The following CYP2J2 variants were observed in gnomAD, a reference collection of about 807,000 sequenced individuals.
CYP2J2 encodes cytochrome P450 2J2.
CYP2J2 carries 41 observed loss-of-function variants against 48.8 expected under a neutral mutation model. That is an observed-to-expected ratio of 0.84 (90% CI 0.66 to 1.09). The LOEUF (loss-of-function observed/expected upper bound fraction) is 1.09. Among genes scored for constraint, CYP2J2 ranks in the 50% least tolerant of loss-of-function variants. CYP2J2 has a pLI of 0.00. For synonymous variants in CYP2J2, 221 were observed against 227.1 expected, an observed-to-expected ratio of 0.97 and a Z score of 0.24; for missense variants, 644 against 617.3, an observed-to-expected ratio of 1.04 and a Z score of -0.46.
intron 8 of CYP2J2, among the ~76,000 whole-genome samples, chr1:59,897,139 T>C (rs1276330869): frequency 2.0e-5 from 3 of 152,250 alleles, no homozygotes; most frequent in Non-Finnish European, 4.4e-5. Flanking sequence ...GTCTAATTCA[T>C]CTCGGTTCCC....
At chr1:59,904,682 C>T (rs1258342942) in intron 7 of CYP2J2, among the ~76,000 whole-genome samples, 189 bp downstream of exon 7, 4 of 152,144 alleles carry the variant, frequency 2.6e-5, no homozygotes, top group Non-Finnish European at 5.9e-5. Flanking sequence ...AGGAATCCTT[C>T]CTGCTCCCCT....
chr1:59,967,583 C>T, the CYP2J2 span, among the ~76,000 whole-genome samples: 9 of 152,220 alleles, frequency 5.9e-5, no homozygotes, highest in East Asian at 1.9e-4. Flanking sequence ...TTGTGTGTGT[C>T]GTCTTTCTGA....
At chr1:59,935,457 GC>G in the CYP2J2 span, among the ~76,000 whole-genome samples, 1 of 152,084 alleles carries the variant, frequency 6.6e-6, no homozygotes, top group East Asian at 1.9e-4. Context: ...ATGATAAGCA[GC>G]TTGATATCAG....
the CYP2J2 span, among the ~76,000 whole-genome samples, chr1:59,940,854 A>C: frequency 8.5e-5 from 13 of 152,332 alleles, no homozygotes; most frequent in South Asian, 2.5e-3. Context: ...TGGAACTGGA[A>C]GTTATTATAT....
At chr1:59,941,363 G>A in the CYP2J2 span, among the ~76,000 whole-genome samples, 23 of 152,134 alleles carry the variant, frequency 1.5e-4, no homozygotes, top group African/African-American at 5.3e-4. Flanking sequence ...TCACATATTT[G>A]TGATAATGCT....
intron 1 of CYP2J2, among the ~76,000 whole-genome samples, chr1:59,923,033 A>C (rs1644531690): frequency 6.6e-6 from 1 of 152,318 alleles, no homozygotes; most frequent in African/African-American, 2.4e-5. Flanking sequence ...GTCAGAGGGC[A>C]AATTAGGCTT....
chr1:59,958,961 T>C, the CYP2J2 span, among the ~76,000 whole-genome samples: 1 of 152,202 alleles, frequency 6.6e-6, no homozygotes, highest in Non-Finnish European at 1.5e-5. Flanking sequence ...ACTTACCTTA[T>C]CTGCCCACTT....
In CYP2J2 at chr1:59,909,861, T is replaced by C; in HGVS notation, c.784A>G (p.Ile262Val). 3 of 1,612,448 alleles carry C rather than the reference T, an allele frequency of 1.9e-6. No homozygotes were observed. The highest frequency in any genetic ancestry group is 2.5e-6 in the Non-Finnish European group (3 of 1,179,118). Residue 262 changes from isoleucine to valine, a missense_variant, in exon 5 of 9, where the codon ATT becomes GTT. Physicochemically the swap from Ile to Val is conservative, Grantham distance 29. Coordinates refer to ENST00000371204, the MANE Select transcript of CYP2J2 (RefSeq NM_000775.4). ...TTCCAATCCTTTCTGTGTTTGTCAATCATATGAGAAACAAACAATTTCAGT... is the reference window on the plus strand; with the variant it reads ...TTCCAATCCTTTCTGTGTTTGTCAACCATATGAGAAACAAACAATTTCAGT... ...KKLKLFVSHM[I>V]DKHRKDWNPA... is the part of the protein sequence containing the mutation.
chr1:59,958,602 C>A, the CYP2J2 span, among the ~76,000 whole-genome samples: 5 of 152,176 alleles, frequency 3.3e-5, no homozygotes, highest in African/African-American at 1.2e-4. Context: ...TAGTCACCAT[C>A]GAGCTAGCTG....
intron 8 of CYP2J2, among the ~76,000 whole-genome samples, chr1:59,895,208 C>T (rs766578419): frequency 6.6e-6 from 1 of 152,226 alleles, no homozygotes; most frequent in African/African-American, 2.4e-5. Flanking sequence ...TCCAGTACAG[C>T]CAGTACATGA....
chr1:59,966,466 C>T, the CYP2J2 span, among the ~76,000 whole-genome samples: 7 of 152,144 alleles, frequency 4.6e-5, no homozygotes, highest in Non-Finnish European at 7.3e-5. Flanking sequence ...CTGAAAGTCA[C>T]GTAGATTACA....
At position 59,893,444 on chromosome 1, in the gene CYP2J2, T is replaced by C. The variant is rs1259359573; in HGVS notation, c.*207A>G. The stretch of plus-strand genomic sequence containing the variant: ...TCATCTCCTAGATAAAAAGGTAAAT[T>C]ATTTAGCATATAAATGATTTTCCCA... On this transcript the variant is annotated 3_prime_UTR_variant, in exon 9 of 9. Coordinates refer to ENST00000371204, the MANE Select transcript of CYP2J2 (RefSeq NM_000775.4). 4.3e-6 allele frequency: 2 copies of C among 468,834 alleles called. No individual in the cohort carries two copies. Among genetic ancestry groups the C allele is most frequent in the Non-Finnish European group, 7.6e-6 (2 of 264,838 alleles). The allele number at this position is 468,834 out of a possible 1,614,324, so 29.0% of individuals were successfully genotyped here. A position where few individuals can be genotyped will look rare whatever the true frequency, so the allele number is the denominator to read the frequency against.
the CYP2J2 span, among the ~76,000 whole-genome samples, chr1:59,953,269 T>C: frequency 1.3e-5 from 2 of 152,152 alleles, no homozygotes; most frequent in African/African-American, 2.4e-5. Context: ...TAATTATTAG[T>C]GTGGGAAGCA....
chr1:59,913,603 T>A (rs930490533), intron 2 of CYP2J2, among the ~76,000 whole-genome samples: 3 of 152,132 alleles, frequency 2.0e-5, no homozygotes, highest in Non-Finnish European at 4.4e-5. Flanking sequence ...TGCACCTACA[T>A]CATCATGTCT....
At chr1:59,905,445 C>T (rs1165129315) in intron 6 of CYP2J2, among the ~76,000 whole-genome samples, 1 of 152,160 alleles carries the variant, frequency 6.6e-6, no homozygotes, top group Admixed American at 6.5e-5. Context: ...TTCCTGAAGG[C>T]TAATTACCTC....
At chr1:59,923,473 C>G (rs1644535814) in intron 1 of CYP2J2, among the ~76,000 whole-genome samples, 2 of 152,124 alleles carry the variant, frequency 1.3e-5, no homozygotes. Context: ...TTGACACCAA[C>G]AGTGAGATGA....
At chr1:59,937,069 T>C in the CYP2J2 span, among the ~76,000 whole-genome samples, 19,057 of 152,178 alleles carry the variant, frequency 0.13, 1,631 homozygotes, top group African/African-American at 0.25. Flanking sequence ...ATTCCAGAGA[T>C]TGGCAGCTGG....
At chr1:59,949,166 C>T in the CYP2J2 span, among the ~76,000 whole-genome samples, 1 of 152,188 alleles carries the variant, frequency 6.6e-6, no homozygotes. Context: ...TACTGACATA[C>T]TTGATCTCAG....
At chr1:59,894,444 G>A (rs1644251657) in intron 8 of CYP2J2, among the ~76,000 whole-genome samples, 1 of 152,148 alleles carries the variant, frequency 6.6e-6, no homozygotes, top group Non-Finnish European at 1.5e-5. Context: ...TGTGGCCCAA[G>A]GCTGGGTCCT....
Sources: gnomAD v4.1 joint callset for allele counts (sites outside exome capture counted in the v4.1 genomes callset) on GRCh38, gnomAD v4.1.1 for gene constraint, MANE v1.5 for transcripts, NCBI Gene and HGNC (gene_info 2026-07-23, HGNC 2026-07-21) for gene names.